The following RNF213 variants were observed in gnomAD, a reference collection of about 807,000 sequenced individuals.
RNF213 encodes ring finger protein 213, also known as E3 ubiquitin-protein ligase RNF213.
RNF213 carries 341 observed loss-of-function variants against 514.4 expected under a neutral mutation model. That is an observed-to-expected ratio of 0.66 (90% CI 0.61 to 0.73). The LOEUF (loss-of-function observed/expected upper bound fraction) is 0.73. Ranked by LOEUF, RNF213 falls within the 30% of genes least tolerant of loss-of-function variation. RNF213 has a pLI of 0.00. For missense variants in RNF213, 5,767 were observed against 6,615.6 expected, an observed-to-expected ratio of 0.87 and a Z score of 4.45; for synonymous variants, 2,655 against 2,658.2, an observed-to-expected ratio of 1.00 and a Z score of 0.04.
intron 15 of RNF213, among the ~76,000 whole-genome samples, chr17:80,313,906 TGGTGGTGATGGTGGAGGTGGTGGAG>T (rs2045701085): frequency 4.6e-5 from 1 of 21,542 alleles, no homozygotes; most frequent in Non-Finnish European, 8.3e-5. Context: ...ATGGTGGTGG[TGGTGGTGATGGTGGAGGTGGTGGAG>T]GTAATGGAGG....
At chr17:80,272,351 C>T (rs2043853044) in intron 2 of RNF213, among the ~76,000 whole-genome samples, 1 of 152,160 alleles carries the variant, frequency 6.6e-6, no homozygotes, top group Non-Finnish European at 1.5e-5. Flanking sequence ...CACAGTTCTG[C>T]AGACTGAGAA....
At chr17:80,375,048 C>G (rs1343636216) in intron 50 of RNF213, 1 of 191,568 alleles carries the variant, frequency 5.2e-6, no homozygotes, top group Non-Finnish European at 1.1e-5. Context: ...TTTTTAGAAT[C>G]TAACCTTTAA....
At position 80,350,410 on chromosome 17, in the gene RNF213, AT is replaced by A. The variant is rs754376124; in HGVS notation, c.10184+19del. 5 of 1,560,556 alleles carry A rather than the reference AT, an allele frequency of 3.2e-6. No homozygotes were observed. The highest frequency in any genetic ancestry group is 4.4e-6 in the Non-Finnish European group (5 of 1,131,572). On this transcript the variant is annotated intron_variant, in intron 31 of 67. Coordinates refer to ENST00000582970, the MANE Select transcript of RNF213 (RefSeq NM_001256071.3). The stretch of plus-strand genomic sequence containing the variant: ...TGCCTCAGCTAAGTATGTTTTTAGT[AT>A]TTTTCTCAGAAACTATGTAAAAAAC...
intron 3 of RNF213, among the ~76,000 whole-genome samples, chr17:80,282,375 TATTTTA>T (rs1221404407): frequency 6.6e-6 from 1 of 152,144 alleles, no homozygotes; most frequent in African/African-American, 2.4e-5. Flanking sequence ...CTTGATTCAA[TATTTTA>T]TTTTTATTTT....
intron 42 of RNF213, among the ~76,000 whole-genome samples, chr17:80,365,756 C>T (rs2079242336): frequency 6.6e-6 from 1 of 152,172 alleles, no homozygotes. Context: ...TCCCCACACC[C>T]ACACAGCATG....
In RNF213 at chr17:80,288,857, T is replaced by C. The variant is rs892583712; in HGVS notation, c.933+102T>C. The C allele has an allele frequency of 3.2e-6, 5 of 1,584,934 alleles. No individual in the cohort carries two copies. Among genetic ancestry groups the C allele is most frequent in the African/African-American group, 1.3e-5 (1 of 74,202 alleles). On this transcript the variant is annotated intron_variant, in intron 5 of 67. Transcript: ENST00000582970. The surrounding 1 kb of genome is among the most constrained non-coding windows in gnomAD (Gnocchi z 4.9). ...AGCAAATATTTAAGTGCTGGGGATATAGCCATGATTCAGACAAAGCTCTGG... is the reference window on the plus strand; with the variant it reads ...AGCAAATATTTAAGTGCTGGGGATACAGCCATGATTCAGACAAAGCTCTGG...
At chr17:80,366,949 T>G (rs1409995550) in intron 42 of RNF213, among the ~76,000 whole-genome samples, 1 of 152,236 alleles carries the variant, frequency 6.6e-6, no homozygotes, top group Non-Finnish European at 1.5e-5. Context: ...TAAAAACCAG[T>G]GTTTCCACTT....
rs1274859136 is a variant in RNF213, at chr17:80,339,201, G to C, written c.4834G>C (p.Val1612Leu). 3 of 1,468,622 alleles carry C rather than the reference G, an allele frequency of 2.0e-6. No individual in the cohort carries two copies. Among genetic ancestry groups the C allele is most frequent in the South Asian group, 2.8e-5 (2 of 72,380 alleles). The allele number at this position is 1,468,622 out of a possible 1,614,324, so 91.0% of individuals were successfully genotyped here. A position where few individuals can be genotyped will look rare whatever the true frequency, so the allele number is the denominator to read the frequency against. Residue 1612 changes from valine (V) to leucine (L), a missense_variant and splice_region_variant, in exon 26 of 68, where the codon GTC becomes CTC. Physicochemically the swap from Val to Leu is conservative, Grantham distance 32. Around this residue, in one of 13 missense-constraint regions of RNF213, gnomAD observed 1,377 missense variants for 1,635.2 expected, o/e 0.84. Coordinates refer to ENST00000582970, the MANE Select transcript of RNF213 (RefSeq NM_001256071.3). ...NNTEVERFSE[V>L]FCSVQRLSQA... Reference sequence around the variant, plus strand: ...CAACCTCATGGTTCTGCCTCTCCAGGTCTTCTGCAGTGTGCAGAGGCTCAG... The same window carrying C: ...CAACCTCATGGTTCTGCCTCTCCAGCTCTTCTGCAGTGTGCAGAGGCTCAG...
Position 80,348,210 on chromosome 17 carries a change from G to A in RNF213, c.9875G>A (p.Arg3292Lys). 6.2e-7 allele frequency: 1 copy of A among 1,614,050 alleles called. No homozygotes were observed. The highest frequency in any genetic ancestry group is 1.7e-5 in the Admixed American group (1 of 60,032). The change falls in exon 29 of 68, where the codon AGG (arginine) becomes AAG (lysine). Residue 3292 changes from arginine (R) to lysine (K), a missense_variant. Arg to Lys is a conservative substitution (Grantham distance 26, BLOSUM62 2). This residue lies in a region of RNF213 where 919 missense variants were observed against 1,121.0 expected (regional missense o/e 0.82). Transcript: ENST00000582970. ...TCGCAGGAGTACTTTCACAGACAGA[G>A]GCACAACTCCTTTGCAGATTTCCTT... ...WLSQEYFHRQ[R>K]HNSFADFLQA...
chr17:80,363,814 AC>A, intron 41 of RNF213, 24 bp downstream of exon 41: 1 of 1,608,936 alleles, frequency 6.2e-7, no homozygotes, highest in South Asian at 1.1e-5. Context: ...GCCCTCACCC[AC>A]TGCTTCATCT....
At chr17:80,278,784 G>A (rs2145196650) in intron 3 of RNF213, 9 of 1,537,196 alleles carry the variant, frequency 5.9e-6, no homozygotes, top group South Asian at 1.2e-5. Flanking sequence ...CAGAGGTTTT[G>A]GTAGATGCTG....
intron 35 of RNF213, 68 bp downstream of exon 35, chr17:80,354,234 TC>T: frequency 6.4e-7 from 1 of 1,571,804 alleles, no homozygotes; most frequent in Non-Finnish European, 8.7e-7. Context: ...GGGCATCATT[TC>T]ACTGTGTGTT....
chr17:80,373,049 C>G lies in RNF213; in HGVS notation c.12826C>G (p.Arg4276Gly). The G allele has an allele frequency of 2.5e-6, 4 of 1,613,988 alleles. No homozygotes were observed. In the South Asian group the frequency reaches 3.3e-5, roughly 13 times the overall value. ...TATCCGGGTGGAGAACGACTGGCAC[C>G]GGGTGTACCTGGTGCGGAAGCTCAG... ...FCIRVENDWH[R>G]VYLVRKLSSQ... Residue 4276 changes from arginine (R) to glycine (G), a missense_variant, in exon 49 of 68, where the codon CGG becomes GGG. Around this residue, in one of 13 missense-constraint regions of RNF213, gnomAD observed 1,245 missense variants for 1,339.0 expected, o/e 0.93. Transcript: ENST00000582970.
rs770719543 is a variant in RNF213, at chr17:80,319,170, C to T, written c.2902-20C>T. On this transcript the variant is annotated intron_variant, in intron 16 of 67. Transcript: ENST00000582970. ...GCTGCATCCGAAAGCTCTGAAACCA[C>T]CCCCCTTTGATTTTTGCAGGAGGAA... 1.7e-5 allele frequency: 27 copies of T among 1,613,658 alleles called. No individual in the cohort carries two copies. The highest frequency in any genetic ancestry group is 2.7e-5 in the African/African-American group (2 of 74,914).
Position 80,313,053 on chromosome 17 carries a change from CCAAA to C in RNF213, c.2700_2703del (p.Thr901SerfsTer86). On this transcript the variant is annotated frameshift_variant, in exon 15 of 68. Transcript: ENST00000582970. LOFTEE classifies it high-confidence loss of function. ...GAGATGAAACTGGAAATAATTCAGT[CCAAA>C]CAGTCTTCCAAGGGACCCTTGCTGC... The C allele has an allele frequency of 6.2e-7, 1 of 1,614,036 alleles. No individual in the cohort carries two copies. The highest frequency in any genetic ancestry group is 8.5e-7 in the Non-Finnish European group (1 of 1,180,032).
Position 80,346,098 on chromosome 17 carries a change from T to A in RNF213, c.7763T>A (p.Val2588Asp). The A allele has an allele frequency of 6.2e-7, 1 of 1,614,170 alleles. No homozygotes were observed. The highest frequency in any genetic ancestry group is 8.5e-7 in the Non-Finnish European group (1 of 1,180,032). The change falls in exon 29 of 68, where the codon GTT becomes GAT. Residue 2588 changes from valine to aspartate, a missense_variant. Around this residue, in one of 13 missense-constraint regions of RNF213, gnomAD observed 1,377 missense variants for 1,635.2 expected, o/e 0.84. Transcript: ENST00000582970. The surrounding 1 kb of genome is among the most constrained non-coding windows in gnomAD (Gnocchi z 8.1). ...LVWDFGQLSD[V>D]AEKLYIQQIV... The stretch of plus-strand genomic sequence containing the variant: ...TGGGACTTTGGACAACTGAGTGACG[T>A]TGCTGAAAAGCTCTACATCCAGCAG...
chr17:80,347,401 CT>C lies in RNF213; in HGVS notation c.9069del (p.Phe3023LeufsTer23), dbSNP rs758696622. ...SPMQLIKQNIFGPSQKVPGGE... is the reference protein window; with the variant it reads ...SPMQLIKQNIXGPSQKVPGGE... ...CCATGCAGCTGATCAAACAGAACAT[CT>C]TTGGGCCTTCTCAGAAGGTGCCGGG... On this transcript the variant is annotated frameshift_variant, in exon 29 of 68. Transcript: ENST00000582970. LOFTEE classifies it high-confidence loss of function. This position sits in a 1 kb window ranked among gnomAD's most constrained non-coding sequence, Gnocchi z 7.2. 1 of 1,613,976 alleles carries C rather than the reference CT, an allele frequency of 6.2e-7. No individual in the cohort carries two copies. The highest frequency in any genetic ancestry group is 1.7e-5 in the Admixed American group (1 of 60,022).
At chr17:80,379,242 T>C (rs186938689) in intron 54 of RNF213, among the ~76,000 whole-genome samples, 3 of 152,322 alleles carry the variant, frequency 2.0e-5, no homozygotes, top group Admixed American at 2.0e-4. Context: ...GAAGTCAGTT[T>C]GGAAGCTCTT....
Position 80,337,679 on chromosome 17 carries a change from A to G in RNF213, c.4621A>G (p.Asn1541Asp). ...ATCCCTGACCCTGGCCACGGCCATC[A>G]ACCAAAGAGGCATCTATGTGATCCA... The part of the protein sequence containing the change: ...RSSLTLATAI[N>D]QRGIYVIQAP... Residue 1541 changes from asparagine to aspartate, a missense_variant, in exon 24 of 68, where the codon AAC becomes GAC. Around this residue, in one of 13 missense-constraint regions of RNF213, gnomAD observed 1,377 missense variants for 1,635.2 expected, o/e 0.84. Transcript: ENST00000582970. 1.3e-6 allele frequency: 2 copies of G among 1,537,286 alleles called. No individual in the cohort carries two copies. Among genetic ancestry groups the G allele is most frequent in the Non-Finnish European group, 1.7e-6 (2 of 1,146,914 alleles).
Sources: gnomAD v4.1 joint callset for allele counts (sites outside exome capture counted in the v4.1 genomes callset) on GRCh38, gnomAD v4.1.1 for gene constraint, gnomAD v4.1.1 regional missense constraint, Gnocchi (gnomAD v3.1) non-coding constraint, MANE v1.5 for transcripts, NCBI Gene and HGNC (gene_info 2026-07-23, HGNC 2026-07-21) for gene names.